PTPRT: variants seen among roughly 807,000 people sequenced by gnomAD.
PTPRT encodes the protein protein tyrosine phosphatase receptor type T.
Under a neutral mutation model 176.8 loss-of-function variants are expected in PTPRT, and 56 were observed. The ratio of observed to expected loss-of-function variants is 0.32; its 90% confidence interval spans 0.26 to 0.40. The LOEUF (loss-of-function observed/expected upper bound fraction) is 0.40, where lower values mean the gene tolerates loss of function less well. Ranked by LOEUF, PTPRT falls within the 10% of genes least tolerant of loss-of-function variation. The pLI, the probability that PTPRT is intolerant of heterozygous loss-of-function variation, is 1.00. For missense variants in PTPRT, 1,540 were observed against 1,908.2 expected, an observed-to-expected ratio of 0.81 and a Z score of 3.60; for synonymous variants, 783 against 739.0, an observed-to-expected ratio of 1.06 and a Z score of -0.96.
At chr20:42,580,051 T>C (rs960405974) in intron 7 of PTPRT, among the ~76,000 whole-genome samples, 3 of 152,262 alleles carry the variant, frequency 2.0e-5, no homozygotes, top group African/African-American at 7.2e-5. Context: ...AACATGTAAG[T>C]CTTTAATCCA....
intron 6 of PTPRT, among the ~76,000 whole-genome samples, chr20:42,692,752 CT>C (rs1158481908): frequency 6.6e-6 from 1 of 152,032 alleles, no homozygotes; most frequent in East Asian, 1.9e-4. Flanking sequence ...GTAGAAAATT[CT>C]TTAAAAATCT....
At chr20:42,350,077 T>C (rs995701937) in intron 11 of PTPRT, among the ~76,000 whole-genome samples, 3 of 152,152 alleles carry the variant, frequency 2.0e-5, no homozygotes, top group Non-Finnish European at 4.4e-5. Flanking sequence ...TGGCTGTTAC[T>C]GGCAGTGACA....
chr20:42,188,862 A>G (rs1990883364), intron 16 of PTPRT, among the ~76,000 whole-genome samples: 1 of 152,230 alleles, frequency 6.6e-6, no homozygotes, highest in Admixed American at 6.5e-5. Flanking sequence ...GGTCTCTTTG[A>G]AAGTGTATTG....
intron 7 of PTPRT, among the ~76,000 whole-genome samples, chr20:42,573,693 A>G (rs2073200106): frequency 6.6e-6 from 1 of 151,256 alleles, no homozygotes; most frequent in Non-Finnish European, 1.5e-5. Flanking sequence ...GGGATGATAC[A>G]ACCCCGTTAT....
intron 11 of PTPRT, among the ~76,000 whole-genome samples, chr20:42,346,609 G>A (rs1409931500): frequency 1.3e-5 from 2 of 152,114 alleles, no homozygotes; most frequent in South Asian, 2.1e-4. Context: ...GAGGGTGCGG[G>A]AGCCCCACAC....
At chr20:43,016,139 C>T (rs1310978699) in intron 1 of PTPRT, among the ~76,000 whole-genome samples, 1 of 152,094 alleles carries the variant, frequency 6.6e-6, no homozygotes, top group Non-Finnish European at 1.5e-5. Context: ...ACAGATCACA[C>T]AAGAGTTCAG....
chr20:43,150,479 T>G (rs1024447614), intron 1 of PTPRT, among the ~76,000 whole-genome samples: 1 of 151,902 alleles, frequency 6.6e-6, no homozygotes, highest in African/African-American at 2.4e-5. Flanking sequence ...TTTTTGGAGA[T>G]TGAGTCTCGC....
intron 8 of PTPRT, among the ~76,000 whole-genome samples, chr20:42,459,405 A>C (rs1196996979): frequency 6.6e-6 from 1 of 152,232 alleles, no homozygotes; most frequent in Non-Finnish European, 1.5e-5. Context: ...GATTTGCTTC[A>C]TGATTTAACA....
intron 1 of PTPRT, among the ~76,000 whole-genome samples, chr20:42,928,131 T>A (rs1276470049): frequency 6.6e-6 from 1 of 152,214 alleles, no homozygotes; most frequent in Admixed American, 6.5e-5. Context: ...GGGAAGTGAA[T>A]CTGCAGACTC....
intron 11 of PTPRT, among the ~76,000 whole-genome samples, chr20:42,345,232 T>C (rs1458626326): frequency 2.0e-5 from 3 of 151,896 alleles, no homozygotes; most frequent in African/African-American, 7.3e-5. Flanking sequence ...ACTAGCCATA[T>C]ATCTGGTGCT....
intron 2 of PTPRT, among the ~76,000 whole-genome samples, chr20:42,876,487 T>C (rs1463394926): frequency 6.6e-6 from 1 of 152,018 alleles, no homozygotes; most frequent in African/African-American, 2.4e-5. Context: ...CCAGTGTCTC[T>C]TTATTTGCCC....
chr20:42,055,040 A>G, the PTPRT span, among the ~76,000 whole-genome samples: 2 of 152,232 alleles, frequency 1.3e-5, no homozygotes, highest in African/African-American at 4.8e-5. Context: ...TACATATGTA[A>G]CTAACCTGCA....
At chr20:42,401,584 G>C (rs1014745772) in intron 9 of PTPRT, among the ~76,000 whole-genome samples, 20 of 152,108 alleles carry the variant, frequency 1.3e-4, no homozygotes, top group Non-Finnish European at 1.9e-4. Context: ...AGTGAACAGA[G>C]AGCCGGAGGT....
At chr20:42,150,075 A>AT (rs950326267) in intron 17 of PTPRT, among the ~76,000 whole-genome samples, 6 of 152,152 alleles carry the variant, frequency 3.9e-5, no homozygotes, top group East Asian at 1.9e-4. Context: ...TGTGTGGCTG[A>AT]TTTTTTCTTC....
intron 1 of PTPRT, among the ~76,000 whole-genome samples, chr20:42,999,226 A>T (rs898290035): frequency 6.6e-6 from 1 of 152,236 alleles, no homozygotes; most frequent in Non-Finnish European, 1.5e-5. Context: ...CAAACTGCAC[A>T]TATAGTAATA....
chr20:42,431,223 G>T (rs922864211), intron 9 of PTPRT, among the ~76,000 whole-genome samples: 1 of 152,086 alleles, frequency 6.6e-6, no homozygotes, highest in Admixed American at 6.5e-5. Flanking sequence ...AATTTCAGAG[G>T]TTAATTTGCC....
intron 1 of PTPRT, among the ~76,000 whole-genome samples, chr20:42,988,020 G>A (rs564095816): frequency 9.2e-5 from 14 of 152,192 alleles, no homozygotes; most frequent in Admixed American, 3.9e-4. Flanking sequence ...TATTACAATC[G>A]AATCTTGGAA....
At chr20:42,380,702 C>T (rs760857948) in intron 9 of PTPRT, among the ~76,000 whole-genome samples, 6 of 152,162 alleles carry the variant, frequency 3.9e-5, no homozygotes, top group Non-Finnish European at 8.8e-5. Context: ...TGTTTTTGTT[C>T]TCCCATTGGA....
intron 1 of PTPRT, among the ~76,000 whole-genome samples, chr20:43,151,317 CAA>C (rs11347519): frequency 0.48 from 51,913 of 109,128 alleles, 11,351 homozygotes; most frequent in Non-Finnish European, 0.54. Context: ...CCGTCTCAAA[CAA>C]AAAAAAAAAA....
Sources: gnomAD v4.1 joint callset for allele counts (sites outside exome capture counted in the v4.1 genomes callset) on GRCh38, gnomAD v4.1.1 for gene constraint, MANE v1.5 for transcripts, NCBI Gene and HGNC (gene_info 2026-07-23, HGNC 2026-07-21) for gene names.